The following ZNF568 variants were observed in gnomAD, a reference collection of about 807,000 sequenced individuals.
ZNF568 encodes p53 inhibitor of SCO2 activation.
A neutral mutation model predicts 18.1 loss-of-function variants in ZNF568; 11 were observed. The ratio of observed to expected loss-of-function variants is 0.61; its 90% CI spans 0.38 to 1.00. ZNF568 has a LOEUF of 1.00. ZNF568 is among the 50% of genes least tolerant of loss of function. The pLI, the probability that ZNF568 is intolerant of heterozygous loss-of-function variation, is 0.01. For missense variants in ZNF568, 639 were observed against 768.2 expected (o/e 0.83, Z 1.99); for synonymous variants, 213 against 246.6 (o/e 0.86, Z 1.28).
At chr19:36,991,062 G>T in intron 2 of ZNF568, 1 of 1,146,580 alleles carries the variant, frequency 8.7e-7, no homozygotes, top group Non-Finnish European at 1.2e-6. Flanking sequence ...AGCCAGTATG[G>T]CCTGTTTTCC....
At chr19:36,997,845 G>A, downstream of ZNF568, 1 of 467,118 alleles carries the variant, frequency 2.1e-6, no homozygotes, top group Non-Finnish European at 3.8e-6. Flanking sequence ...ATTTATTTAT[G>A]TTTCAGAATT....
At chr19:36,991,304 C>A in intron 3 of ZNF568, 1 of 1,532,144 alleles carries the variant, frequency 6.5e-7, no homozygotes, top group Non-Finnish European at 8.7e-7. Context: ...TACTGGGTAA[C>A]TTTATCTGCC....
At chr19:36,972,819 C>T (rs1376455343) in intron 6 of ZNF568, among the ~76,000 whole-genome samples, 1 of 152,226 alleles carries the variant, frequency 6.6e-6, no homozygotes, top group Non-Finnish European at 1.5e-5. Flanking sequence ...AACCCCACTC[C>T]CTGACCCTCC....
At chr19:36,938,123 T>C (rs2073820355) in intron 6 of ZNF568, among the ~76,000 whole-genome samples, 1 of 152,188 alleles carries the variant, frequency 6.6e-6, no homozygotes, top group African/African-American at 2.4e-5. Context: ...TTCAGAAATT[T>C]AACATCCTTT....
At chr19:36,918,805 C>T (rs1416995608) in intron 2 of ZNF568, among the ~76,000 whole-genome samples, 1 of 152,138 alleles carries the variant, frequency 6.6e-6, no homozygotes, top group Non-Finnish European at 1.5e-5. Flanking sequence ...CCCCTTTCCC[C>T]CGGCCTATGG....
chr19:36,994,820 C>T (rs2595552), intron 4 of ZNF568, among the ~76,000 whole-genome samples: 31,757 of 151,660 alleles, frequency 0.21, 3,751 homozygotes, highest in African/African-American at 0.32. Flanking sequence ...TACAGGTGCC[C>T]GCCACCACAC....
chr19:36,938,808 T>C (rs1323692813), intron 6 of ZNF568, among the ~76,000 whole-genome samples: 1 of 152,152 alleles, frequency 6.6e-6, no homozygotes, highest in Non-Finnish European at 1.5e-5. Context: ...TGCCTATAGG[T>C]TTCTTTTTCT....
At chr19:36,933,573 T>G (rs2073724724) in intron 4 of ZNF568, among the ~76,000 whole-genome samples, 1 of 152,142 alleles carries the variant, frequency 6.6e-6, no homozygotes, top group Admixed American at 6.5e-5. Flanking sequence ...TGCATTCTGC[T>G]GGGGTAAATC....
chr19:36,937,345 ATTC>A, intron 6 of ZNF568, 103 bp downstream of exon 6: 2 of 871,108 alleles, frequency 2.3e-6, no homozygotes, highest in East Asian at 2.6e-5. Flanking sequence ...TAAAGGCCTT[ATTC>A]TTCTAGAGTG....
chr19:36,927,031 C>T (rs187932752), intron 4 of ZNF568, among the ~76,000 whole-genome samples: 125 of 152,124 alleles, frequency 8.2e-4, no homozygotes, highest in African/African-American at 2.9e-3. Context: ...TTTCTGTATT[C>T]GAAATTAGAA....
At chr19:36,963,300 A>T (rs2074169476) in intron 6 of ZNF568, among the ~76,000 whole-genome samples, 1 of 152,224 alleles carries the variant, frequency 6.6e-6, no homozygotes, top group African/African-American at 2.4e-5. Context: ...ATTCAGTCTC[A>T]GTAGCTTCAT....
chr19:36,929,909 A>G (rs560480), intron 4 of ZNF568, among the ~76,000 whole-genome samples: 87,621 of 148,632 alleles, frequency 0.59, 26,856 homozygotes, highest in African/African-American at 0.74. Flanking sequence ...CATTGGAAAT[A>G]TTATTGCCTC....
At chr19:36,997,616 CT>C, downstream of ZNF568, 1 of 1,530,646 alleles carries the variant, frequency 6.5e-7, no homozygotes, top group Non-Finnish European at 8.8e-7. Flanking sequence ...AAAATTCATA[CT>C]GGTGAGAAAC....
At chr19:36,971,168 G>A (rs943586661) in intron 6 of ZNF568, among the ~76,000 whole-genome samples, 1 of 151,904 alleles carries the variant, frequency 6.6e-6, no homozygotes, top group Non-Finnish European at 1.5e-5. Flanking sequence ...GGGAGGCAGA[G>A]GTTGCAGTGA....
intron 4 of ZNF568, among the ~76,000 whole-genome samples, chr19:36,926,407 G>T (rs918216029): frequency 6.6e-6 from 1 of 151,960 alleles, no homozygotes; most frequent in Admixed American, 6.6e-5. Flanking sequence ...TTCTGTTGGC[G>T]CGGTGGCCCT....
intron 6 of ZNF568, among the ~76,000 whole-genome samples, chr19:36,943,297 A>G (rs1421910538): frequency 6.7e-6 from 1 of 149,004 alleles, no homozygotes; most frequent in Non-Finnish European, 1.5e-5. Flanking sequence ...TTTAGCACCT[A>G]TTGACCATCA....
chr19:36,927,896 TATATA>T (rs2073603897), intron 4 of ZNF568, among the ~76,000 whole-genome samples: 3 of 33,808 alleles, frequency 8.9e-5, no homozygotes, highest in African/African-American at 4.4e-4. Context: ...ATTATATATA[TATATA>T]TATTTTTTTT....
chr19:36,986,865 A>C (rs957861522), intron 2 of ZNF568, among the ~76,000 whole-genome samples: 1 of 152,078 alleles, frequency 6.6e-6, no homozygotes, highest in African/African-American at 2.4e-5. Context: ...CCGCTCCCCT[A>C]AGTGCAGGGG....
At chr19:36,924,902 A>G (rs1421949230) in intron 3 of ZNF568, among the ~76,000 whole-genome samples, 3 of 152,086 alleles carry the variant, frequency 2.0e-5, no homozygotes, top group Non-Finnish European at 4.4e-5. Flanking sequence ...ATTATTATGT[A>G]CTTAAGATAA....
Sources: allele counts gnomAD v4.1 joint callset (sites outside exome capture counted in the v4.1 genomes callset), GRCh38; gene constraint gnomAD v4.1.1; transcripts MANE v1.5; gene names NCBI Gene and HGNC (gene_info 2026-07-23, HGNC 2026-07-21).